Variants in CFAP90 observed in about 807,000 individuals in gnomAD.
CFAP90 encodes the protein cilia- and flagella-associated protein 90.
the CFAP90 span, among the ~76,000 whole-genome samples, chr5:7,833,014 A>T: frequency 1.3e-5 from 2 of 152,254 alleles, no homozygotes; most frequent in Non-Finnish European, 2.9e-5. Flanking sequence ...TAGAAAAATT[A>T]TGAAAGCCAG....
the CFAP90 span, chr5:7,835,502 G>GT: frequency 6.7e-7 from 1 of 1,490,214 alleles, no homozygotes; most frequent in Non-Finnish European, 9.1e-7. Flanking sequence ...TTCCTGTCTA[G>GT]GAAAAAAAAG....
chr5:7,847,938 T>C, the CFAP90 span, among the ~76,000 whole-genome samples: 1 of 152,214 alleles, frequency 6.6e-6, no homozygotes, highest in African/African-American at 2.4e-5. Context: ...TTATTACCAA[T>C]GTTTTTATTC....
At chr5:7,847,203 C>T in the CFAP90 span, among the ~76,000 whole-genome samples, 1 of 152,118 alleles carries the variant, frequency 6.6e-6, no homozygotes, top group Non-Finnish European at 1.5e-5. Context: ...AGCTATTTGT[C>T]AAATGGGCTT....
chr5:7,849,674 C>T, the CFAP90 span, among the ~76,000 whole-genome samples: 1 of 152,176 alleles, frequency 6.6e-6, no homozygotes, highest in Admixed American at 6.5e-5. Context: ...TGCAGGGTGC[C>T]CAGTGGCCTT....
At chr5:7,841,366 C>T in the CFAP90 span, among the ~76,000 whole-genome samples, 3 of 152,152 alleles carry the variant, frequency 2.0e-5, no homozygotes, top group African/African-American at 7.2e-5. Context: ...AATGCTTCTA[C>T]ACTGTTGGTG....
chr5:7,850,823 GCCGCCCA>G, the CFAP90 span: 1 of 1,224,504 alleles, frequency 8.2e-7, no homozygotes. Context: ...CAGCCGCCCA[GCCGCCCA>G]GCCGCCCAGC....
chr5:7,845,557 G>A, the CFAP90 span, among the ~76,000 whole-genome samples: 1 of 152,242 alleles, frequency 6.6e-6, no homozygotes, highest in Non-Finnish European at 1.5e-5. Flanking sequence ...TGCTTTAAAT[G>A]CAGCTCTTAG....
chr5:7,836,271 T>A, the CFAP90 span, among the ~76,000 whole-genome samples: 1 of 152,194 alleles, frequency 6.6e-6, no homozygotes, highest in Non-Finnish European at 1.5e-5. Context: ...TGTTCTCAAA[T>A]TCTCTATAAT....
the CFAP90 span, chr5:7,850,797 CAG>C: frequency 7.2e-6 from 2 of 279,288 alleles, no homozygotes; most frequent in Non-Finnish European, 4.5e-6. Flanking sequence ...CCCAGCCGCC[CAG>C]CCGCCCAGCC....
At chr5:7,831,808 G>A in the CFAP90 span, 5 of 1,570,960 alleles carry the variant, frequency 3.2e-6, no homozygotes, top group Non-Finnish European at 4.4e-6. Context: ...AACTTGCCAG[G>A]CCACAGGGTA....
At chr5:7,836,883 GT>G in the CFAP90 span, among the ~76,000 whole-genome samples, 6 of 152,080 alleles carry the variant, frequency 3.9e-5, no homozygotes, top group Non-Finnish European at 7.4e-5. Flanking sequence ...AGAACCAGGG[GT>G]GGGGGTAGGG....
At chr5:7,836,602 G>A in the CFAP90 span, among the ~76,000 whole-genome samples, 2 of 152,146 alleles carry the variant, frequency 1.3e-5, no homozygotes, top group Non-Finnish European at 2.9e-5. Flanking sequence ...GTTATTTTTA[G>A]GGGGATACAA....
chr5:7,833,463 C>G, the CFAP90 span, among the ~76,000 whole-genome samples: 7 of 150,396 alleles, frequency 4.7e-5, no homozygotes, highest in Admixed American at 1.3e-4. Flanking sequence ...GGCACACACA[C>G]ATGCACACAC....
At chr5:7,838,908 TG>T in the CFAP90 span, among the ~76,000 whole-genome samples, 3 of 152,152 alleles carry the variant, frequency 2.0e-5, no homozygotes, top group Non-Finnish European at 1.5e-5. Context: ...TCCCTGCAGG[TG>T]GGCAGCCACC....
chr5:7,845,121 A>C, the CFAP90 span, among the ~76,000 whole-genome samples: 1 of 152,184 alleles, frequency 6.6e-6, no homozygotes, highest in Non-Finnish European at 1.5e-5. Context: ...AGACAGAGAG[A>C]GAGCAAAGAG....
At chr5:7,834,474 T>C in the CFAP90 span, among the ~76,000 whole-genome samples, 1 of 152,130 alleles carries the variant, frequency 6.6e-6, no homozygotes, top group African/African-American at 2.4e-5. Context: ...TCATTTATTA[T>C]TGAAGAAAAA....
chr5:7,844,042 G>A, the CFAP90 span, among the ~76,000 whole-genome samples: 2 of 152,266 alleles, frequency 1.3e-5, no homozygotes, highest in East Asian at 3.9e-4. Context: ...GTCTCCACTA[G>A]AACATGCCTG....
At chr5:7,849,036 A>C in the CFAP90 span, among the ~76,000 whole-genome samples, 1 of 152,212 alleles carries the variant, frequency 6.6e-6, no homozygotes, top group Admixed American at 6.5e-5. Context: ...CTTTTCTCAA[A>C]GACACCAGTC....
chr5:7,850,207 G>T, the CFAP90 span, among the ~76,000 whole-genome samples: 2 of 152,038 alleles, frequency 1.3e-5, no homozygotes, highest in African/African-American at 4.8e-5. Context: ...ACTCTTTGGG[G>T]CCCAGGCGCC....
Sources: gnomAD v4.1 joint callset for allele counts (sites outside exome capture counted in the v4.1 genomes callset) on GRCh38, gnomAD v4.1.1 for gene constraint, MANE v1.5 for transcripts, NCBI Gene and HGNC (gene_info 2026-07-23, HGNC 2026-07-21) for gene names.